The following VGLL3 variants were observed in gnomAD, a reference collection of about 807,000 sequenced individuals.
The protein encoded by VGLL3 is vestigial like family member 3, also known as transcription cofactor vestigial-like protein 3.
VGLL3 carries 18 observed loss-of-function variants against 29.2 expected under a neutral mutation model. The observed-to-expected ratio is 0.62, with a 90% CI of 0.43 to 0.91. The LOEUF (loss-of-function observed/expected upper bound fraction) is 0.91, where lower values mean the gene tolerates loss of function less well. Among genes scored for constraint, VGLL3 ranks in the 40% least tolerant of loss-of-function variants. The pLI, the probability that VGLL3 is intolerant of heterozygous loss-of-function variation, is 0.00. For synonymous variants in VGLL3, 180 were observed against 151.8 expected, an observed-to-expected ratio of 1.19 and a Z score of -1.36; for missense variants, 440 against 413.2, an observed-to-expected ratio of 1.06 and a Z score of -0.56.
intron 3 of VGLL3, among the ~76,000 whole-genome samples, chr3:86,953,065 C>A (rs1383040795): frequency 6.6e-6 from 1 of 152,106 alleles, no homozygotes; most frequent in Non-Finnish European, 1.5e-5. Context: ...AATCTGAGAA[C>A]TGTGATTTCA....
chr3:86,943,249 G>A lies in VGLL3; in HGVS notation c.*3775C>T, dbSNP rs1390652591. Reference sequence around the variant, plus strand: ...TACTTTCCTTTTTCCACCACTTAACGCCACTGCCCCCATCGGCTTAATTCA... The same window carrying A: ...TACTTTCCTTTTTCCACCACTTAACACCACTGCCCCCATCGGCTTAATTCA... On this transcript the variant is annotated 3_prime_UTR_variant, in exon 4 of 4. Transcript: ENST00000398399. 2.0e-5 allele frequency: 3 copies of A among 151,866 alleles called. No individual in the cohort carries two copies. The highest frequency in any genetic ancestry group is 6.6e-5 in the Admixed American group (1 of 15,226). 9.4% of individuals were successfully genotyped at this position (151,866 alleles called of 1,614,324 possible).
intron 1 of VGLL3, among the ~76,000 whole-genome samples, chr3:86,989,759 T>A (rs1169044790): frequency 6.6e-6 from 1 of 152,162 alleles, no homozygotes; most frequent in African/African-American, 2.4e-5. Flanking sequence ...TTTTTTATTT[T>A]AATGTAGCAC....
At chr3:86,990,230 T>C in intron 1 of VGLL3, 2 of 890,338 alleles carry the variant, frequency 2.2e-6, no homozygotes, top group Non-Finnish European at 2.7e-6. Flanking sequence ...ATCTTCCTCA[T>C]CAATAAAACC....
intron 2 of VGLL3, among the ~76,000 whole-genome samples, chr3:86,974,503 A>C (rs951650996): frequency 1.3e-5 from 2 of 152,206 alleles, no homozygotes; most frequent in Non-Finnish European, 2.9e-5. Context: ...CTGATAAGAC[A>C]TTGTGCCAAG....
intron 2 of VGLL3, among the ~76,000 whole-genome samples, chr3:86,969,942 G>A (rs1705058141): frequency 1.3e-5 from 2 of 152,084 alleles, no homozygotes; most frequent in Non-Finnish European, 2.9e-5. Context: ...ACTAGGCTTT[G>A]AAGCCAGGTG....
At chr3:86,983,651 T>C (rs1223242700) in intron 1 of VGLL3, among the ~76,000 whole-genome samples, 4 of 152,072 alleles carry the variant, frequency 2.6e-5, no homozygotes, top group African/African-American at 9.7e-5. Flanking sequence ...CTCCCAGAAG[T>C]GTTGGGATTA....
chr3:86,954,521 A>G (rs1704678665), intron 3 of VGLL3, among the ~76,000 whole-genome samples: 1 of 152,244 alleles, frequency 6.6e-6, no homozygotes, highest in South Asian at 2.1e-4. Flanking sequence ...TAAATTGGCA[A>G]GTACTTAAAG....
intron 3 of VGLL3, chr3:86,963,036 A>G (rs546477992): frequency 8.8e-6 from 2 of 226,174 alleles, no homozygotes; most frequent in East Asian, 1.8e-4. Context: ...CAGAGGTTGC[A>G]GTGAGTCAAG....
rs1180161016 is a variant in VGLL3, at chr3:86,990,821, C to T, written c.-78G>A. On this transcript the variant is annotated 5_prime_UTR_variant, in exon 1 of 4. Transcript: ENST00000398399. Reference sequence around the variant, plus strand: ...GCGCGAGGGGCGCGGGCGCCGCCGCCGCCGCAGCTGCCGCCTCTGTCGCTG... The same window carrying T: ...GCGCGAGGGGCGCGGGCGCCGCCGCTGCCGCAGCTGCCGCCTCTGTCGCTG... The T allele has an allele frequency of 1.1e-5, 13 of 1,199,520 alleles. No individual in the cohort carries two copies. Among genetic ancestry groups the T allele is most frequent in the Non-Finnish European group, 1.4e-5 (13 of 960,490 alleles). 74.3% of individuals were successfully genotyped at this position (1,199,520 alleles called of 1,614,324 possible).
chr3:86,958,754 C>T (rs1398896512), intron 3 of VGLL3, among the ~76,000 whole-genome samples: 1 of 152,154 alleles, frequency 6.6e-6, no homozygotes, highest in Non-Finnish European at 1.5e-5. Flanking sequence ...GATCTCCTGG[C>T]ATTTTGCATG....
intron 3 of VGLL3, among the ~76,000 whole-genome samples, chr3:86,963,533 T>C (rs910042523): frequency 1.3e-5 from 2 of 152,202 alleles, no homozygotes; most frequent in African/African-American, 4.8e-5. Flanking sequence ...GAATATATTA[T>C]AAGACCAATC....
chr3:86,979,098 G>A (rs541835315), intron 1 of VGLL3, among the ~76,000 whole-genome samples: 1 of 152,018 alleles, frequency 6.6e-6, no homozygotes, highest in Admixed American at 6.6e-5. Flanking sequence ...TTTTTGTTTT[G>A]CTTTTTGTTT....
intron 2 of VGLL3, among the ~76,000 whole-genome samples, chr3:86,975,472 A>G (rs569786940): frequency 7.6e-4 from 115 of 152,248 alleles, no homozygotes; most frequent in Non-Finnish European, 1.2e-3. Context: ...AGAAGAAAAT[A>G]TTTTTACCAA....
Position 86,945,203 on chromosome 3 carries a change from G to A in VGLL3, c.*1821C>T, listed in dbSNP as rs1704480801. 1 of 152,156 alleles carries A rather than the reference G, an allele frequency of 6.6e-6. No homozygotes were observed. The highest frequency in any genetic ancestry group is 6.5e-5 in the Admixed American group (1 of 15,270). The allele number at this position is 152,156 out of a possible 1,614,324, so 9.4% of individuals were successfully genotyped here. A position where few individuals can be genotyped will look rare whatever the true frequency, so the allele number is the denominator to read the frequency against. On this transcript the variant is annotated 3_prime_UTR_variant, in exon 4 of 4. Coordinates refer to ENST00000398399, the MANE Select transcript of VGLL3 (RefSeq NM_016206.4). The stretch of plus-strand genomic sequence containing the variant: ...AAGAAACAGCAAAGTGCGGAGTGAT[G>A]AGAGTACAAAAGAGTATATAGATCT...
chr3:86,948,818 A>AG (rs1375428521), intron 3 of VGLL3, among the ~76,000 whole-genome samples: 6 of 152,106 alleles, frequency 3.9e-5, no homozygotes, highest in African/African-American at 1.2e-4. Context: ...AATGAGAGGG[A>AG]GAAAAAAAAT....
chr3:86,959,940 T>A (rs1704803284), intron 3 of VGLL3, among the ~76,000 whole-genome samples: 1 of 152,092 alleles, frequency 6.6e-6, no homozygotes, highest in Non-Finnish European at 1.5e-5. Context: ...AAAGTAAGAA[T>A]TAAATAGATC....
rs1704397821 is a variant in VGLL3, at chr3:86,941,530, A to T, written c.*5494T>A. The T allele has an allele frequency of 6.6e-6, 1 of 152,108 alleles. No individual in the cohort carries two copies. Among genetic ancestry groups the T allele is most frequent in the Non-Finnish European group, 1.5e-5 (1 of 67,976 alleles). 9.4% of individuals were successfully genotyped at this position (152,108 alleles called of 1,614,324 possible). A position where few individuals can be genotyped will look rare whatever the true frequency, so the allele number is the denominator to read the frequency against. On this transcript the variant is annotated 3_prime_UTR_variant, in exon 4 of 4. Coordinates refer to ENST00000398399, the MANE Select transcript of VGLL3 (RefSeq NM_016206.4). ...TGTTTGCTTATACAATGGAATTGGT[A>T]AAAGTACACTTATTTATAATAGAAT...
chr3:86,963,384 A>T (rs1381941251), intron 3 of VGLL3, among the ~76,000 whole-genome samples: 1 of 152,238 alleles, frequency 6.6e-6, no homozygotes, highest in Non-Finnish European at 1.5e-5. Flanking sequence ...CCAAAATAAG[A>T]AAATCCACAG....
At chr3:86,990,316 T>C in intron 1 of VGLL3, 1 of 985,360 alleles carries the variant, frequency 1.0e-6, no homozygotes, top group Non-Finnish European at 1.2e-6. Context: ...CTAAGATAGA[T>C]GCCCTTGGTG....
Sources: allele counts gnomAD v4.1 joint callset (sites outside exome capture counted in the v4.1 genomes callset), GRCh38; gene constraint gnomAD v4.1.1; transcripts MANE v1.5; gene names NCBI Gene and HGNC (gene_info 2026-07-23, HGNC 2026-07-21).